The following PTPRD variants were observed in gnomAD, a reference collection of about 807,000 sequenced individuals.
PTPRD encodes protein tyrosine phosphatase receptor type D.
PTPRD carries 34 observed loss-of-function variants against 214.5 expected under a neutral mutation model. The ratio of observed to expected loss-of-function variants is 0.16; its 90% confidence interval spans 0.12 to 0.21. The LOEUF is 0.21. Ranked by LOEUF, PTPRD falls within the 10% of genes least tolerant of loss-of-function variation. The pLI, the probability that PTPRD is intolerant of heterozygous loss-of-function variation, is 1.00. For synonymous variants in PTPRD, 1,128 were observed against 845.7 expected (o/e 1.33, Z -5.79); for missense variants, 2,545 against 2,398.7 (o/e 1.06, Z -1.27).
chr9:8,816,671 A>C (rs2096925949), intron 11 of PTPRD, among the ~76,000 whole-genome samples: 1 of 152,134 alleles, frequency 6.6e-6, no homozygotes. Flanking sequence ...ACCCTGTTAG[A>C]GATGGAAGAA....
At chr9:8,337,404 A>AACACACGG (rs1402140365) in intron 43 of PTPRD, among the ~76,000 whole-genome samples, 1 of 152,018 alleles carries the variant, frequency 6.6e-6, no homozygotes, top group African/African-American at 2.4e-5. Context: ...GAACAATGAG[A>AACACACGG]ACACACGGAC....
intron 3 of PTPRD, among the ~76,000 whole-genome samples, chr9:10,155,586 G>C (rs2154281855): frequency 6.6e-6 from 1 of 152,204 alleles, no homozygotes; most frequent in Middle Eastern, 3.4e-3. Flanking sequence ...CTGTGTGTTT[G>C]TCATAAACGA....
chr9:8,479,682 T>C (rs1318809532), intron 30 of PTPRD, among the ~76,000 whole-genome samples: 3 of 152,224 alleles, frequency 2.0e-5, no homozygotes, highest in South Asian at 2.1e-4. Context: ...TAACACATTC[T>C]AGCAACACAA....
intron 8 of PTPRD, among the ~76,000 whole-genome samples, chr9:9,437,040 G>A (rs905886145): frequency 6.6e-6 from 1 of 152,108 alleles, no homozygotes; most frequent in Non-Finnish European, 1.5e-5. Flanking sequence ...TTCCTTCATT[G>A]GAAAATATCG....
At chr9:8,571,707 C>T (rs571603021) in intron 14 of PTPRD, among the ~76,000 whole-genome samples, 6 of 152,130 alleles carry the variant, frequency 3.9e-5, no homozygotes, top group African/African-American at 1.4e-4. Flanking sequence ...TGGGTTCTTC[C>T]ATTTGTTCAT....
chr9:10,084,600 T>C (rs141677034), intron 3 of PTPRD, among the ~76,000 whole-genome samples: 4,281 of 152,064 alleles, frequency 0.028, 90 homozygotes, highest in Middle Eastern at 0.082. Flanking sequence ...GTGTCACTAG[T>C]TGGAAAGAAC....
intron 3 of PTPRD, among the ~76,000 whole-genome samples, chr9:10,083,955 C>T (rs1266039567): frequency 6.6e-6 from 1 of 151,924 alleles, no homozygotes; most frequent in Non-Finnish European, 1.5e-5. Context: ...GAGTTGGGGA[C>T]ACCTGAATAG....
intron 10 of PTPRD, among the ~76,000 whole-genome samples, chr9:9,067,981 C>A (rs2099737546): frequency 6.6e-6 from 1 of 152,142 alleles, no homozygotes; most frequent in Non-Finnish European, 1.5e-5. Flanking sequence ...TTTTCTCTTC[C>A]CCACCTCTCC....
intron 5 of PTPRD, among the ~76,000 whole-genome samples, chr9:9,797,898 G>C (rs1307152468): frequency 6.6e-6 from 1 of 152,078 alleles, no homozygotes; most frequent in African/African-American, 2.4e-5. Flanking sequence ...AATTGGGAAG[G>C]AAGTAGTAAT....
Position 10,449,313 on chromosome 9 carries a change from T to C in PTPRD, c.-599-108296A>G, listed in dbSNP as rs180917932. Among the ~76,000 whole-genome samples, 148 of 152,056 alleles carry C rather than the reference T, an allele frequency of 9.7e-4. 3 individuals carry two copies. Among genetic ancestry groups the C allele is most frequent in the African/African-American group, 3.5e-3 (143 of 41,306 alleles). On this transcript the variant is annotated intron_variant, in intron 2 of 45. Coordinates refer to ENST00000381196, the MANE Select transcript of PTPRD (RefSeq NM_002839.4). Reference sequence around the variant, plus strand: ...ACCTGGGCCTCCCGAGGCGCCGGGATTGCAGACGGAGTCTCGCTCACTCAG... The same window carrying C: ...ACCTGGGCCTCCCGAGGCGCCGGGACTGCAGACGGAGTCTCGCTCACTCAG...
At chr9:9,985,268 A>G (rs947130174) in intron 4 of PTPRD, among the ~76,000 whole-genome samples, 1 of 152,216 alleles carries the variant, frequency 6.6e-6, no homozygotes, top group African/African-American at 2.4e-5. Context: ...TACCAGAGAT[A>G]GAAAAGTTTT....
intron 43 of PTPRD, among the ~76,000 whole-genome samples, chr9:8,335,453 T>A (rs1011555008): frequency 1.3e-5 from 2 of 152,254 alleles, no homozygotes; most frequent in African/African-American, 4.8e-5. Flanking sequence ...CACTTTGTGC[T>A]AACAACTCTC....
chr9:9,294,419 T>A (rs776737941), intron 9 of PTPRD, among the ~76,000 whole-genome samples: 2 of 151,750 alleles, frequency 1.3e-5, no homozygotes, highest in Non-Finnish European at 2.9e-5. Flanking sequence ...TTGTTATGGA[T>A]TGAATAAATA....
rs576991590 is a variant in PTPRD, at chr9:9,685,211, T to TA, written c.-287+49321dup. ...TAAAAGTTTCTGGCTCATGAGTACA[T>TA]ACAATCATTAAATGTGTGGTTATTT... On this transcript the variant is annotated intron_variant, in intron 7 of 45. Transcript: ENST00000381196. Among the ~76,000 whole-genome samples, 629 of 151,260 alleles carry TA rather than the reference T, an allele frequency of 4.2e-3. 3 individuals carry two copies. Among genetic ancestry groups the TA allele is most frequent in the African/African-American group, 0.014 (587 of 41,430 alleles).
chr9:8,555,895 A>AT (rs2083590266), intron 14 of PTPRD, among the ~76,000 whole-genome samples: 1 of 152,218 alleles, frequency 6.6e-6, no homozygotes, highest in Non-Finnish European at 1.5e-5. Flanking sequence ...TGGACTTTAT[A>AT]TTGCACCCTT....
At chr9:10,462,904 C>A (rs1467075065) in intron 2 of PTPRD, among the ~76,000 whole-genome samples, 2 of 150,246 alleles carry the variant, frequency 1.3e-5, no homozygotes, top group Non-Finnish European at 3.0e-5. Context: ...TGTAATATAG[C>A]ATTTTAAAAA....
At chr9:9,302,601 CTTTTTTT>C (rs3047853) in intron 9 of PTPRD, among the ~76,000 whole-genome samples, 35 of 111,888 alleles carry the variant, frequency 3.1e-4, no homozygotes, top group African/African-American at 9.3e-4. Context: ...TTTTTTTTTT[CTTTTTTT>C]TTTTTTTTTG....
intron 7 of PTPRD, among the ~76,000 whole-genome samples, chr9:9,673,840 C>G (rs1358141170): frequency 6.6e-6 from 1 of 151,420 alleles, no homozygotes; most frequent in Non-Finnish European, 1.5e-5. Context: ...TGACAGCATA[C>G]CAAAAGATGT....
intron 4 of PTPRD, among the ~76,000 whole-genome samples, chr9:10,022,821 T>C (rs1051738916): frequency 6.6e-6 from 1 of 152,154 alleles, no homozygotes; most frequent in Non-Finnish European, 1.5e-5. Flanking sequence ...CCATTAATTG[T>C]TTTCCTGTTC....
Sources: gnomAD v4.1 joint callset for allele counts (sites outside exome capture counted in the v4.1 genomes callset) on GRCh38, gnomAD v4.1.1 for gene constraint, MANE v1.5 for transcripts, NCBI Gene and HGNC (gene_info 2026-07-23, HGNC 2026-07-21) for gene names.